Variants in AGBL4 observed in about 807,000 individuals in gnomAD.
AGBL4 encodes the protein cytosolic carboxypeptidase 6.
A neutral mutation model predicts 66.4 loss-of-function variants in AGBL4; 58 were observed. The ratio of observed to expected loss-of-function variants is 0.87; its 90% CI spans 0.71 to 1.09. The LOEUF is 1.09. Among genes scored for constraint, AGBL4 ranks in the 50% least tolerant of loss-of-function variants. AGBL4 has a pLI of 0.00. For missense variants in AGBL4, 579 were observed against 631.0 expected (o/e 0.92, Z 0.88); for synonymous variants, 234 against 222.9 (o/e 1.05, Z -0.44).
intron 5 of AGBL4, among the ~76,000 whole-genome samples, chr1:48,875,653 G>C (rs1388204783): frequency 6.6e-6 from 1 of 152,090 alleles, no homozygotes; most frequent in Admixed American, 6.6e-5. Context: ...AGCCTCTGGC[G>C]GCCGGCACAA....
At chr1:49,552,938 A>C (rs1267212456) in intron 3 of AGBL4, among the ~76,000 whole-genome samples, 1 of 152,154 alleles carries the variant, frequency 6.6e-6, no homozygotes, top group Non-Finnish European at 1.5e-5. Flanking sequence ...ACAAATATTC[A>C]CTAAATACCT....
At chr1:49,079,141 A>G (rs1644762451) in intron 4 of AGBL4, among the ~76,000 whole-genome samples, 1 of 152,212 alleles carries the variant, frequency 6.6e-6, no homozygotes, top group Non-Finnish European at 1.5e-5. Flanking sequence ...CATATTTGGC[A>G]AAAATATTTA....
chr1:49,855,650 T>C (rs1646414499), intron 1 of AGBL4, among the ~76,000 whole-genome samples: 1 of 152,180 alleles, frequency 6.6e-6, no homozygotes. Flanking sequence ...GCTCCTGTAT[T>C]ACCATTGGAT....
intron 3 of AGBL4, among the ~76,000 whole-genome samples, chr1:49,551,705 G>T (rs531062487): frequency 5.5e-4 from 84 of 152,258 alleles, no homozygotes; most frequent in African/African-American, 2.0e-3. Context: ...GTGATAGCGG[G>T]GTGTAATGGA....
At chr1:49,170,099 G>T (rs192580348) in intron 4 of AGBL4, among the ~76,000 whole-genome samples, 2 of 150,656 alleles carry the variant, frequency 1.3e-5, no homozygotes, top group Admixed American at 6.6e-5. Context: ...ATTCATCCAG[G>T]TAACCAAAAA....
intron 3 of AGBL4, among the ~76,000 whole-genome samples, chr1:49,664,747 T>C (rs1248481073): frequency 1.3e-5 from 2 of 152,140 alleles, no homozygotes; most frequent in Non-Finnish European, 1.5e-5. Flanking sequence ...ATAATATTGC[T>C]TTTAGTTAAG....
At chr1:49,900,571 A>C (rs998401530) in intron 1 of AGBL4, among the ~76,000 whole-genome samples, 1 of 152,164 alleles carries the variant, frequency 6.6e-6, no homozygotes, top group Non-Finnish European at 1.5e-5. Flanking sequence ...AAGTCAAGAA[A>C]TAAGGTGGCA....
At chr1:49,624,002 AGTGTGTGT>A (rs34356093) in intron 3 of AGBL4, among the ~76,000 whole-genome samples, 10 of 149,448 alleles carry the variant, frequency 6.7e-5, no homozygotes, top group South Asian at 4.3e-4. Flanking sequence ...GATGAGAGAG[AGTGTGTGT>A]GTGTGTGTGT....
chr1:49,427,057 T>C (rs893779265), intron 3 of AGBL4, among the ~76,000 whole-genome samples: 2 of 152,072 alleles, frequency 1.3e-5, no homozygotes, highest in African/African-American at 2.4e-5. Context: ...TCAACAGATG[T>C]AGTGAGGCAT....
chr1:49,604,615 C>T (rs1645029912), intron 3 of AGBL4, among the ~76,000 whole-genome samples: 1 of 151,950 alleles, frequency 6.6e-6, no homozygotes, highest in Non-Finnish European at 1.5e-5. Flanking sequence ...GTCGCATTTG[C>T]TTTAGGGGTC....
chr1:49,948,210 AT>A lies in AGBL4; in HGVS notation c.34+75552del, dbSNP rs1489410328. On this transcript the variant is annotated intron_variant, in intron 1 of 13. Transcript: ENST00000371839. ...TATAAATATATATAAATATAAATAT[AT>A]AAATATATATAAATATATATAAATA... Among the ~76,000 whole-genome samples, 4 of 65,280 alleles carry A rather than the reference AT, an allele frequency of 6.1e-5. No individual in the cohort carries two copies. In the East Asian group the frequency reaches 4.4e-3, roughly 72 times the overall value. The allele number at this position is 65,280 out of a possible 152,430, so 42.8% of individuals were successfully genotyped here.
intron 4 of AGBL4, among the ~76,000 whole-genome samples, chr1:49,229,913 G>T (rs1650179321): frequency 7.4e-6 from 1 of 134,236 alleles, no homozygotes; most frequent in African/African-American, 2.5e-5. Context: ...GCTGCAATGG[G>T]TGACTCACCC....
intron 4 of AGBL4, among the ~76,000 whole-genome samples, chr1:49,148,184 C>T (rs895608110): frequency 2.0e-5 from 3 of 152,164 alleles, no homozygotes; most frequent in East Asian, 1.9e-4. Flanking sequence ...GCATGTTCCT[C>T]GAATACATTA....
chr1:49,834,592 T>TTAGTTA (rs1645795060), intron 2 of AGBL4, among the ~76,000 whole-genome samples: 1 of 152,208 alleles, frequency 6.6e-6, no homozygotes, highest in Non-Finnish European at 1.5e-5. Flanking sequence ...TGCTCTGATC[T>TTAGTTA]TAGTTATTTC....
chr1:49,518,782 C>T (rs541551020), intron 3 of AGBL4, among the ~76,000 whole-genome samples: 1 of 152,010 alleles, frequency 6.6e-6, no homozygotes, highest in Non-Finnish European at 1.5e-5. Flanking sequence ...ATGTATGAAT[C>T]ACAAAATACT....
At position 48,745,996 on chromosome 1, in the gene AGBL4, G is replaced by A. The variant is rs183314015; in HGVS notation, c.635-82755C>T. Among the ~76,000 whole-genome samples, 372 of 152,208 alleles carry A rather than the reference G, an allele frequency of 2.4e-3. 4 individuals are homozygous for A. Among genetic ancestry groups the A allele is most frequent in the Admixed American group, 3.3e-3 (50 of 15,292 alleles). ...GGAGGCTTGAGGACAGCCAAGGACC[G>A]TGTCTTTTTATGTCAGAGACCAGGT... On this transcript the variant is annotated intron_variant, in intron 6 of 13. Coordinates refer to ENST00000371839, the MANE Select transcript of AGBL4 (RefSeq NM_032785.4).
intron 2 of AGBL4, among the ~76,000 whole-genome samples, chr1:49,802,351 T>G (rs1452891104): frequency 1.3e-5 from 2 of 152,170 alleles, no homozygotes; most frequent in African/African-American, 2.4e-5. Flanking sequence ...GGTTAAGGCA[T>G]ACTCCCTTCT....
chr1:49,176,147 A>G (rs1021592213), intron 4 of AGBL4, among the ~76,000 whole-genome samples: 14 of 152,094 alleles, frequency 9.2e-5, no homozygotes, highest in Non-Finnish European at 1.5e-4. Flanking sequence ...GGTGATGATG[A>G]TGATGGTGAT....
At chr1:49,448,694 C>T (rs1646212977) in intron 3 of AGBL4, among the ~76,000 whole-genome samples, 1 of 152,066 alleles carries the variant, frequency 6.6e-6, no homozygotes, top group Non-Finnish European at 1.5e-5. Flanking sequence ...AGAATGTTGG[C>T]AAACTAAAAC....
Sources: allele counts gnomAD v4.1 joint callset (sites outside exome capture counted in the v4.1 genomes callset), GRCh38; gene constraint gnomAD v4.1.1; transcripts MANE v1.5; gene names NCBI Gene and HGNC (gene_info 2026-07-23, HGNC 2026-07-21).